Variants in ATP8A1 observed in about 807,000 individuals in gnomAD.
The protein encoded by ATP8A1 is phospholipid-transporting ATPase IA.
ATP8A1 carries 90 observed loss-of-function variants against 177.7 expected under a neutral mutation model. The ratio of observed to expected loss-of-function variants is 0.51; its 90% CI spans 0.43 to 0.60. The LOEUF (loss-of-function observed/expected upper bound fraction) is 0.60. Ranked by LOEUF, ATP8A1 falls within the 20% of genes least tolerant of loss-of-function variation. The pLI is 0.00. For missense variants in ATP8A1, 1,072 were observed against 1,392.8 expected (o/e 0.77, Z 3.67); for synonymous variants, 493 against 485.9 (o/e 1.01, Z -0.19).
chr4:42,601,359 T>G (rs1735250683), intron 5 of ATP8A1, among the ~76,000 whole-genome samples: 1 of 110,000 alleles, frequency 9.1e-6, no homozygotes, highest in African/African-American at 3.2e-5. Flanking sequence ...TTTTCTATAT[T>G]TGGTTTTCTG....
chr4:42,586,010 A>G (rs568899499), intron 9 of ATP8A1, among the ~76,000 whole-genome samples: 34 of 152,332 alleles, frequency 2.2e-4, no homozygotes, highest in African/African-American at 7.2e-4. Flanking sequence ...AGTTAAGCCT[A>G]TAACACGAGT....
intron 33 of ATP8A1, among the ~76,000 whole-genome samples, chr4:42,433,949 A>G (rs75726363): frequency 6.6e-6 from 1 of 152,110 alleles, no homozygotes; most frequent in African/African-American, 2.4e-5. Context: ...TTTATAAAAA[A>G]TTTTTTGACT....
At chr4:42,577,273 T>C (rs905595732) in intron 12 of ATP8A1, among the ~76,000 whole-genome samples, 1 of 152,218 alleles carries the variant, frequency 6.6e-6, no homozygotes, top group African/African-American at 2.4e-5. Context: ...TACTTATATT[T>C]GTACATATCC....
At chr4:42,477,566 G>A (rs926457484) in intron 25 of ATP8A1, among the ~76,000 whole-genome samples, 1 of 152,162 alleles carries the variant, frequency 6.6e-6, no homozygotes, top group Non-Finnish European at 1.5e-5. Flanking sequence ...GATATAGATT[G>A]CAGTACTTTT....
chr4:42,600,370 T>C (rs1344563028), intron 6 of ATP8A1, 108 bp downstream of exon 6: 3 of 758,820 alleles, frequency 4.0e-6, no homozygotes, highest in African/African-American at 3.7e-5. Context: ...ATAGCTTTTA[T>C]ATTAGTAAAA....
chr4:42,615,988 AAGT>A, intron 5 of ATP8A1, 42 bp downstream of exon 5: 2 of 1,541,068 alleles, frequency 1.3e-6, no homozygotes, highest in Non-Finnish European at 1.8e-6. Flanking sequence ...TATATACTAC[AAGT>A]AGGTTTGACA....
chr4:42,417,803 G>A (rs918210008), intron 35 of ATP8A1, among the ~76,000 whole-genome samples: 1 of 152,188 alleles, frequency 6.6e-6, no homozygotes, highest in African/African-American at 2.4e-5. Context: ...TGTATAGCAT[G>A]CAATAGCTGT....
intron 35 of ATP8A1, among the ~76,000 whole-genome samples, chr4:42,419,012 A>G (rs1457136239): frequency 6.6e-6 from 1 of 152,224 alleles, no homozygotes; most frequent in Non-Finnish European, 1.5e-5. Context: ...TCAACTCACA[A>G]GATCTTTCTT....
intron 31 of ATP8A1, among the ~76,000 whole-genome samples, chr4:42,444,930 G>A (rs901593393): frequency 5.9e-5 from 9 of 152,140 alleles, no homozygotes; most frequent in African/African-American, 2.2e-4. Flanking sequence ...TCTGCTTTTT[G>A]TACAATTCAT....
At chr4:42,610,210 C>T (rs1319959600) in intron 5 of ATP8A1, among the ~76,000 whole-genome samples, 2 of 151,232 alleles carry the variant, frequency 1.3e-5, no homozygotes, top group South Asian at 2.1e-4. Flanking sequence ...CTTATCTTCC[C>T]GACAAGATTA....
intron 33 of ATP8A1, among the ~76,000 whole-genome samples, chr4:42,440,127 A>G (rs1716458111): frequency 6.6e-6 from 1 of 152,116 alleles, no homozygotes; most frequent in South Asian, 2.1e-4. Context: ...CCTCACATCC[A>G]ACCTGTCCAT....
chr4:42,426,831 T>C (rs1714678626), intron 33 of ATP8A1, among the ~76,000 whole-genome samples: 1 of 152,220 alleles, frequency 6.6e-6, no homozygotes, highest in Admixed American at 6.5e-5. Context: ...AACGCAATGA[T>C]GAAACATAGG....
At chr4:42,635,754 TACACACACACAC>T (rs375888383) in intron 1 of ATP8A1, among the ~76,000 whole-genome samples, 46 of 81,808 alleles carry the variant, frequency 5.6e-4, no homozygotes, top group African/African-American at 1.7e-3. Flanking sequence ...TACATATATA[TACACACACACAC>T]ACACACACAC....
intron 20 of ATP8A1, among the ~76,000 whole-genome samples, chr4:42,538,050 G>A (rs565766404): frequency 3.9e-5 from 6 of 152,258 alleles, no homozygotes; most frequent in African/African-American, 1.4e-4. Flanking sequence ...AAACGGCATG[G>A]TAGTGGTATA....
chr4:42,537,762 C>T lies in ATP8A1; in HGVS notation c.1722+6155G>A, dbSNP rs137965835. On this transcript the variant is annotated intron_variant, in intron 20 of 36. Transcript: ENST00000381668. ...AAACACTGCTGAAAGAAATCACAGA[C>T]GACACAAACAAAGGCAAACACATCC... Among the ~76,000 whole-genome samples the T allele has an allele frequency of 5.3e-3, 810 of 152,238 alleles. 7 individuals are homozygous for T. Among genetic ancestry groups the T allele is most frequent in the African/African-American group, 0.017 (713 of 41,540 alleles).
intron 25 of ATP8A1, chr4:42,472,107 A>G (rs546063278): frequency 7.2e-6 from 5 of 697,414 alleles, no homozygotes; most frequent in African/African-American, 5.2e-5. Context: ...TCAGAGGAGA[A>G]TTCTGCCTAA....
intron 16 of ATP8A1, among the ~76,000 whole-genome samples, chr4:42,553,957 A>G (rs1206428354): frequency 6.6e-6 from 1 of 152,044 alleles, no homozygotes; most frequent in Non-Finnish European, 1.5e-5. Flanking sequence ...GTCGTAAAGA[A>G]GGAAAAAAAC....
At chr4:42,495,643 A>C (rs1723203575) in intron 24 of ATP8A1, among the ~76,000 whole-genome samples, 2 of 152,036 alleles carry the variant, frequency 1.3e-5, no homozygotes, top group African/African-American at 4.8e-5. Flanking sequence ...GTTTTTGATC[A>C]AAAAGCTTTG....
intron 5 of ATP8A1, among the ~76,000 whole-genome samples, chr4:42,601,912 TCA>T (rs1735310781): frequency 1.7e-5 from 1 of 60,054 alleles, no homozygotes; most frequent in Non-Finnish European, 4.5e-5. Flanking sequence ...TGTTTTGAAC[TCA>T]GTGTTTCACA....
Sources: allele counts gnomAD v4.1 joint callset (sites outside exome capture counted in the v4.1 genomes callset), GRCh38; gene constraint gnomAD v4.1.1; transcripts MANE v1.5; gene names NCBI Gene and HGNC (gene_info 2026-07-23, HGNC 2026-07-21).